Variants in GALNT17 observed in about 807,000 individuals in gnomAD.
GALNT17 encodes polypeptide N-acetylgalactosaminyltransferase 17, also known as UDP-GalNAc:polypeptide N-acetylgalactosaminyltransferase-like 3.
In GALNT17, 29 loss-of-function variants were observed where a neutral mutation model predicts 63.7. The observed-to-expected ratio is 0.46, with a 90% CI of 0.34 to 0.62. The LOEUF (loss-of-function observed/expected upper bound fraction) is 0.62. Ranked by LOEUF, GALNT17 falls within the 20% of genes least tolerant of loss-of-function variation. The probability of loss-of-function intolerance (pLI) is 0.01; values close to 1 mark genes in which losing one functional copy is unlikely to be tolerated. For synonymous variants in GALNT17, 305 were observed against 318.3 expected (o/e 0.96, Z 0.45); for missense variants, 603 against 799.6 (o/e 0.75, Z 2.97).
chr7:71,318,168 G>A (rs1184963225), intron 1 of GALNT17, among the ~76,000 whole-genome samples: 1 of 152,122 alleles, frequency 6.6e-6, no homozygotes, highest in African/African-American at 2.4e-5. Flanking sequence ...GGCCTCCCAA[G>A]TACTGGGATT....
At chr7:71,482,552 C>T (rs1005488933) in intron 5 of GALNT17, among the ~76,000 whole-genome samples, 2 of 152,210 alleles carry the variant, frequency 1.3e-5, no homozygotes, top group Non-Finnish European at 2.9e-5. Context: ...CTATTACACT[C>T]CTAGCCTGTA....
At chr7:71,542,329 T>C (rs1788905759) in intron 5 of GALNT17, among the ~76,000 whole-genome samples, 1 of 152,070 alleles carries the variant, frequency 6.6e-6, no homozygotes, top group African/African-American at 2.4e-5. Context: ...GTTGCATTTA[T>C]TGGAATTTAA....
Position 71,377,096 on chromosome 7 carries a change from AAAAAT to A in GALNT17, c.423-11134_423-11130del, listed in dbSNP as rs1284368812. Among the ~76,000 whole-genome samples, 22 of 61,896 alleles carry A rather than the reference AAAAAT, an allele frequency of 3.6e-4. 3 individuals are homozygous for A. Among genetic ancestry groups the A allele is most frequent in the African/African-American group, 6.3e-4 (6 of 9,566 alleles). The allele number at this position is 61,896 out of a possible 152,430, so 40.6% of individuals were successfully genotyped here. On this transcript the variant is annotated intron_variant, in intron 2 of 10. Transcript: ENST00000333538. ...GCGATATTCCATCTCAAAAAAAAAAAAAAATAAAAATAAAAAAAATATATATATAT... is the reference window on the plus strand; with the variant it reads ...GCGATATTCCATCTCAAAAAAAAAAAAAAAATAAAAAAAATATATATATAT...
chr7:71,294,795 A>G (rs534807803), intron 1 of GALNT17, among the ~76,000 whole-genome samples: 132 of 152,268 alleles, frequency 8.7e-4, no homozygotes, highest in African/African-American at 2.9e-3. Context: ...GTTATTATCT[A>G]TAGGTTTTAA....
At chr7:71,626,240 CA>C (rs35227157) in intron 6 of GALNT17, among the ~76,000 whole-genome samples, 64 of 136,594 alleles carry the variant, frequency 4.7e-4, no homozygotes, top group African/African-American at 9.3e-4. Context: ...AAGATTCTGT[CA>C]AAAAAAAAAA....
intron 1 of GALNT17, among the ~76,000 whole-genome samples, chr7:71,278,873 C>T (rs142815448): frequency 3.3e-5 from 5 of 151,728 alleles, no homozygotes; most frequent in African/African-American, 7.3e-5. Flanking sequence ...ACAGCCAAAC[C>T]GTATCAACCT....
At chr7:71,189,699 G>A (rs899131609) in intron 1 of GALNT17, among the ~76,000 whole-genome samples, 20 of 152,122 alleles carry the variant, frequency 1.3e-4, no homozygotes, top group African/African-American at 4.6e-4. Context: ...AGTTGGCCTG[G>A]CTACAACTCT....
chr7:71,649,737 G>A (rs113942364), intron 6 of GALNT17, among the ~76,000 whole-genome samples: 10 of 152,282 alleles, frequency 6.6e-5, no homozygotes, highest in African/African-American at 9.6e-5. Flanking sequence ...AGTGTGCTAC[G>A]TGACCCTTGA....
At position 71,402,657 on chromosome 7, in the gene GALNT17, G is replaced by T. The variant is rs192477905; in HGVS notation, c.590-13232G>T. Among the ~76,000 whole-genome samples the T allele has an allele frequency of 6.0e-5, 9 of 149,882 alleles. No homozygotes were observed. In the East Asian group the frequency reaches 1.7e-3, roughly 29 times the overall value. On this transcript the variant is annotated intron_variant, in intron 3 of 10. Transcript: ENST00000333538. ...ATCTGATCAACATCTTGTCTCGGTT[G>T]GTTGTATTCAAAGGTTGAAAGCAAG...
At chr7:71,565,771 A>C (rs963381723) in intron 5 of GALNT17, among the ~76,000 whole-genome samples, 3 of 151,928 alleles carry the variant, frequency 2.0e-5, no homozygotes, top group African/African-American at 7.3e-5. Flanking sequence ...CAAATCTCTG[A>C]GTCCCATCTC....
chr7:71,379,026 G>A (rs1376705315), intron 2 of GALNT17, among the ~76,000 whole-genome samples: 1 of 151,982 alleles, frequency 6.6e-6, no homozygotes, highest in East Asian at 1.9e-4. Flanking sequence ...AGAAGATGCT[G>A]TAGCTCCTGA....
chr7:71,642,345 G>A (rs1407879179), intron 6 of GALNT17, among the ~76,000 whole-genome samples: 1 of 152,214 alleles, frequency 6.6e-6, no homozygotes. Flanking sequence ...ACTTTGCAAA[G>A]TATCTGACAC....
At chr7:71,370,319 T>G (rs2707444) in intron 2 of GALNT17, among the ~76,000 whole-genome samples, 6,701 of 152,216 alleles carry the variant, frequency 0.044, 518 homozygotes, top group African/African-American at 0.15. Flanking sequence ...TATTTTATTT[T>G]AGTTTGTTAC....
Position 71,421,038 on chromosome 7 carries a change from C to T in GALNT17, c.895C>T (p.Leu299=). 2.5e-6 allele frequency: 4 copies of T among 1,614,158 alleles called. No individual in the cohort carries two copies. Among genetic ancestry groups the T allele is most frequent in the Non-Finnish European group, 3.4e-6 (4 of 1,180,032 alleles). ...ENSAHGYSWE[L]WCMYISPPKD... is the part of the protein sequence containing the mutation. ...CTCGGCCCACGGGTACAGCTGGGAG[C>T]TGTGGTGCATGTACATCAGCCCCCC... is the stretch of plus-strand genomic sequence containing the variant. The change falls in exon 5 of 11, where the codon CTG becomes TTG. Residue 299 remains leucine, a synonymous_variant. Transcript: ENST00000333538.
At chr7:71,639,891 G>A (rs906544160) in intron 6 of GALNT17, among the ~76,000 whole-genome samples, 8 of 152,240 alleles carry the variant, frequency 5.3e-5, no homozygotes, top group South Asian at 2.1e-4. Flanking sequence ...GGTTGATTGC[G>A]GGAAGATCGC....
At chr7:71,167,409 G>T (rs370127595) in intron 1 of GALNT17, among the ~76,000 whole-genome samples, 1 of 152,006 alleles carries the variant, frequency 6.6e-6, no homozygotes, top group African/African-American at 2.4e-5. Flanking sequence ...GGAAATTTCC[G>T]TTCAAATCAT....
At chr7:71,689,314 C>T (rs1039431133) in intron 9 of GALNT17, among the ~76,000 whole-genome samples, 8 of 152,054 alleles carry the variant, frequency 5.3e-5, no homozygotes, top group African/African-American at 1.9e-4. Context: ...GCCTCTTGTG[C>T]CAAATAATTT....
intron 5 of GALNT17, among the ~76,000 whole-genome samples, chr7:71,446,666 G>A (rs1324962928): frequency 1.3e-5 from 2 of 152,134 alleles, no homozygotes; most frequent in Non-Finnish European, 1.5e-5. Context: ...CTTCTGCTTC[G>A]ACCTCCAGAG....
chr7:71,558,718 A>G (rs1012886821), intron 5 of GALNT17, among the ~76,000 whole-genome samples: 2 of 152,248 alleles, frequency 1.3e-5, no homozygotes, highest in East Asian at 1.9e-4. Flanking sequence ...TTTGCAAATC[A>G]GTTTCTCAAA....
Sources: gnomAD v4.1 joint callset for allele counts (sites outside exome capture counted in the v4.1 genomes callset) on GRCh38, gnomAD v4.1.1 for gene constraint, MANE v1.5 for transcripts, NCBI Gene and HGNC (gene_info 2026-07-23, HGNC 2026-07-21) for gene names.